The following TSPAN4 variants were observed in gnomAD, a reference collection of about 807,000 sequenced individuals.
TSPAN4 encodes tetraspanin-4.
In TSPAN4, 38 loss-of-function variants were observed where a neutral mutation model predicts 31.5. The ratio of observed to expected loss-of-function variants is 1.21; its 90% CI spans 0.93 to 1.58. TSPAN4 has a LOEUF of 1.58. Ranked by LOEUF, TSPAN4 falls within the 40% of genes most tolerant of loss-of-function variation. The probability of loss-of-function intolerance (pLI) is 0.00; values close to 1 mark genes in which losing one functional copy is unlikely to be tolerated. For missense variants in TSPAN4, 330 were observed against 317.3 expected, an observed-to-expected ratio of 1.04 and a Z score of -0.30; for synonymous variants, 186 against 144.6, an observed-to-expected ratio of 1.29 and a Z score of -2.06.
chr11:862,116 GCA>G (rs933972052), intron 3 of TSPAN4, among the ~76,000 whole-genome samples: 8 of 152,218 alleles, frequency 5.3e-5, no homozygotes, highest in Non-Finnish European at 8.8e-5. Context: ...CTCCCTGACA[GCA>G]CAGTCTGGAA....
At chr11:854,015 G>A (rs1284137299) in intron 3 of TSPAN4, among the ~76,000 whole-genome samples, 2 of 152,298 alleles carry the variant, frequency 1.3e-5, no homozygotes, top group East Asian at 1.9e-4. Flanking sequence ...CCCACCTTCA[G>A]GCCTCTGTGC....
At chr11:862,035 G>A (rs1466540688) in intron 3 of TSPAN4, among the ~76,000 whole-genome samples, 4 of 152,226 alleles carry the variant, frequency 2.6e-5, no homozygotes, top group East Asian at 1.9e-4. Flanking sequence ...AGATCTTGTC[G>A]GGAGCTGGGA....
Position 862,997 on chromosome 11 carries a change from C to G in TSPAN4, c.255+256C>G, listed in dbSNP as rs80295955. ...TGCTGTACCTTGTCAGGGGCCTCCC[C>G]TGACGGGACACTGGCCCTGGTGAGT... is the stretch of plus-strand genomic sequence containing the variant. On this transcript the variant is annotated intron_variant, in intron 4 of 8. Coordinates refer to ENST00000397397, the MANE Select transcript of TSPAN4 (RefSeq NM_003271.5). 48 of 476,174 alleles carry G rather than the reference C, an allele frequency of 1.0e-4. No homozygotes were observed. The East Asian group carries it at 1.4e-3, about 14-fold the overall frequency. The allele number at this position is 476,174 out of a possible 1,614,324, so 29.5% of individuals were successfully genotyped here.
chr11:855,677 C>T (rs537549552), intron 3 of TSPAN4, among the ~76,000 whole-genome samples: 3 of 152,174 alleles, frequency 2.0e-5, no homozygotes, highest in Admixed American at 1.3e-4. Context: ...AACAGGACGT[C>T]GCTCAGGGCC....
In TSPAN4 at chr11:864,428, C is replaced by T. The variant is rs1341028116; in HGVS notation, c.256-9C>T. 1.2e-6 allele frequency: 2 copies of T among 1,612,062 alleles called. No homozygotes were observed. Among genetic ancestry groups the T allele is most frequent in the Non-Finnish European group, 8.5e-7 (1 of 1,179,928 alleles). ...TTCGGGTCCCTGTCTGAGCCTGCCC[C>T]CTCCACAGTTCTTCCTGCTGCTGCT... On this transcript the variant is annotated splice_polypyrimidine_tract_variant and intron_variant, in intron 4 of 8. Coordinates refer to ENST00000397397, the MANE Select transcript of TSPAN4 (RefSeq NM_003271.5).
chr11:850,542 G>T (rs1282222755), intron 3 of TSPAN4, among the ~76,000 whole-genome samples, 175 bp downstream of exon 3: 1 of 152,232 alleles, frequency 6.6e-6, no homozygotes, highest in Non-Finnish European at 1.5e-5. Flanking sequence ...GACTGGGCGG[G>T]TGGGGAAGGT....
At chr11:850,155 G>T in intron 2 of TSPAN4, 133 bp from the exon 3 acceptor site, 1 of 660,018 alleles carries the variant, frequency 1.5e-6, no homozygotes. Context: ...CGCGGGCGGC[G>T]GGGACGCCGG....
intron 4 of TSPAN4, chr11:863,022 T>C (rs1848557830): frequency 1.2e-5 from 5 of 426,732 alleles, no homozygotes; most frequent in African/African-American, 2.0e-5. Context: ...CCCTGGTGAG[T>C]GCAGGCACAG....
At chr11:846,383 G>A (rs1230739713) in intron 1 of TSPAN4, among the ~76,000 whole-genome samples, 1 of 152,224 alleles carries the variant, frequency 6.6e-6, no homozygotes, top group Non-Finnish European at 1.5e-5. Flanking sequence ...CAGAGCTCTG[G>A]ATGTCTCTTT....
At chr11:860,922 T>C (rs1480475475) in intron 3 of TSPAN4, among the ~76,000 whole-genome samples, 1 of 152,138 alleles carries the variant, frequency 6.6e-6, no homozygotes, top group Non-Finnish European at 1.5e-5. Context: ...CCCCAGGACG[T>C]CTACCCACCA....
intron 1 of TSPAN4, among the ~76,000 whole-genome samples, chr11:844,988 G>T (rs942075804): frequency 5.3e-5 from 8 of 152,190 alleles, no homozygotes; most frequent in Admixed American, 6.5e-5. Context: ...AGCCCTGGCT[G>T]GGATTCAGCT....
rs935497154 is a variant in TSPAN4 at position 848,551 on chromosome 11, C to T, written c.-18+1251C>T. Among the ~76,000 whole-genome samples, 4 of 152,236 alleles carry T rather than the reference C, an allele frequency of 2.6e-5. No homozygotes were observed. Among genetic ancestry groups the T allele is most frequent in the South Asian group, 2.1e-4 (1 of 4,832 alleles). On this transcript the variant is annotated intron_variant, in intron 2 of 8. Transcript: ENST00000397397. The surrounding 1 kb of genome is among the most constrained non-coding windows in gnomAD (Gnocchi z 5.7). ...GAGCTGCGGGACCTCCCTGGGCACC[C>T]GGGGCTTCCACGGCAGCCCTCCCCA...
In TSPAN4 at chr11:864,492, T is replaced by C. The variant is rs150453837; in HGVS notation, c.311T>C (p.Phe104Ser). 21 of 1,612,762 alleles carry C rather than the reference T, an allele frequency of 1.3e-5. No individual in the cohort carries two copies. Among genetic ancestry groups the C allele is most frequent in the East Asian group, 2.2e-5 (1 of 44,872 alleles). ...CTGGAGGCCACCATCGCCATCCTCTTCTTCGCCTACACGGACAAGGTACGG... is the reference window on the plus strand; with the variant it reads ...CTGGAGGCCACCATCGCCATCCTCTCCTTCGCCTACACGGACAAGGTACGG... ...FLLEATIAIL[F>S]FAYTDKIDRY... The change falls in exon 5 of 9, where the codon TTC (phenylalanine) becomes TCC (serine). Residue 104 changes from phenylalanine to serine, a missense_variant. Physicochemically the swap from Phe to Ser is radical, Grantham distance 155. Coordinates refer to ENST00000397397, the MANE Select transcript of TSPAN4 (RefSeq NM_003271.5).
chr11:854,362 C>T (rs769525232), intron 3 of TSPAN4, among the ~76,000 whole-genome samples: 40 of 152,296 alleles, frequency 2.6e-4, no homozygotes, highest in Middle Eastern at 6.8e-3. Flanking sequence ...TGCGGGACGC[C>T]GGGCAGGTTC....
At chr11:863,679 T>G (rs1308534026) in intron 4 of TSPAN4, 1 of 152,422 alleles carries the variant, frequency 6.6e-6, no homozygotes, top group African/African-American at 2.4e-5. Flanking sequence ...ACCAGAACCC[T>G]GGGTACCTCC....
At position 862,622 on chromosome 11, in the gene TSPAN4, TCTTC is replaced by T; in HGVS notation, c.142_145del (p.Phe48ArgfsTer71). ...ACAGGGGAGCTTCGCCACGCTGTCCTCTTCCTTCCCGTCCCTGTCGGCTGCCAAC... is the reference window on the plus strand; with the variant it reads ...ACAGGGGAGCTTCGCCACGCTGTCCTCTTCCCGTCCCTGTCGGCTGCCAAC... On this transcript the variant is annotated frameshift_variant, in exon 4 of 9. Transcript: ENST00000397397. LOFTEE classifies it high-confidence loss of function. 6.2e-7 allele frequency: 1 copy of T among 1,613,334 alleles called. No homozygotes were observed. The highest frequency in any genetic ancestry group is 8.5e-7 in the Non-Finnish European group (1 of 1,179,888).
At chr11:864,640 G>T (rs567486904) in intron 5 of TSPAN4, 129 bp downstream of exon 5, 1 of 1,210,986 alleles carries the variant, frequency 8.3e-7, no homozygotes, top group East Asian at 2.4e-5. Flanking sequence ...AGGACAGCGG[G>T]TGTGGATTTA....
chr11:848,259 T>C lies in TSPAN4; in HGVS notation c.-18+959T>C, dbSNP rs1223620203. On this transcript the variant is annotated intron_variant, in intron 2 of 8. Transcript: ENST00000397397. The surrounding 1 kb of genome is among the most constrained non-coding windows in gnomAD (Gnocchi z 5.7). ...GCTGGGCCCCGATGCGTGGCCGCCG[T>C]TCTGACCCATTCCTGGGGCCCAGAC... Among the ~76,000 whole-genome samples the C allele has an allele frequency of 6.6e-6, 1 of 152,054 alleles. No individual in the cohort carries two copies. The highest frequency in any genetic ancestry group is 2.4e-5 in the African/African-American group (1 of 41,402).
In TSPAN4 at chr11:856,111, G is replaced by A. The variant is rs185253954; in HGVS notation, c.63+5744G>A. ...CAGGTGGGCTGTCCAGACTGGAAAA[G>A]AAGGGCAGAGCAGAGAATGCATGGG... On this transcript the variant is annotated intron_variant, in intron 3 of 8. Transcript: ENST00000397397. Among the ~76,000 whole-genome samples, 2 of 152,240 alleles carry A rather than the reference G, an allele frequency of 1.3e-5. 1 individual carries two copies. Among genetic ancestry groups the A allele is most frequent in the Admixed American group, 1.3e-4 (2 of 15,286 alleles).
Sources: allele counts gnomAD v4.1 joint callset (sites outside exome capture counted in the v4.1 genomes callset), GRCh38; gene constraint gnomAD v4.1.1; non-coding constraint Gnocchi (gnomAD v3.1); transcripts MANE v1.5; gene names NCBI Gene and HGNC (gene_info 2026-07-23, HGNC 2026-07-21).